Variants in UQCRC2 observed in about 807,000 individuals in gnomAD.
UQCRC2 encodes cytochrome b-c1 complex subunit 2, mitochondrial.
UQCRC2 carries 49 observed loss-of-function variants against 55.6 expected under a neutral mutation model. The observed-to-expected ratio is 0.88, with a 90% CI of 0.70 to 1.12. UQCRC2 has a LOEUF of 1.12. Among genes scored for constraint, UQCRC2 ranks in the 50% most tolerant of loss-of-function variants. The pLI is 0.00. For synonymous variants in UQCRC2, 193 were observed against 192.0 expected, an observed-to-expected ratio of 1.01 and a Z score of -0.04; for missense variants, 506 against 547.8, an observed-to-expected ratio of 0.92 and a Z score of 0.76.
intron 4 of UQCRC2, among the ~76,000 whole-genome samples, chr16:21,960,471 CTG>C (rs1359504093): frequency 1.3e-5 from 2 of 152,154 alleles, no homozygotes; most frequent in African/African-American, 2.4e-5. Flanking sequence ...CAGTAAAACT[CTG>C]TATTATCAGC....
At chr16:21,976,365 G>T in intron 12 of UQCRC2, 122 bp downstream of exon 12, 1 of 834,708 alleles carries the variant, frequency 1.2e-6, no homozygotes, top group Non-Finnish European at 1.9e-6. Flanking sequence ...AGCGTAAAAA[G>T]GGAAACATAC....
rs762357339 is a variant in UQCRC2, at chr16:21,962,886, G to C, written c.514+1G>C. 1.2e-6 allele frequency: 2 copies of C among 1,613,646 alleles called. No homozygotes were observed. Among genetic ancestry groups the C allele is most frequent in the East Asian group, 4.5e-5 (2 of 44,858 alleles). ...GTGGCCTTTCAGAATCCGCAGACTC[G>C]TAAGTACATTTCCAGATCACATTTG... is the stretch of plus-strand genomic sequence containing the variant. On this transcript the variant is annotated splice_donor_variant, in intron 6 of 13. Transcript: ENST00000268379. LOFTEE classifies it high-confidence loss of function.
At chr16:21,979,316 A>G (rs1315212825) in intron 12 of UQCRC2, among the ~76,000 whole-genome samples, 7 of 152,194 alleles carry the variant, frequency 4.6e-5, no homozygotes, top group Admixed American at 2.6e-4. Flanking sequence ...CAACTTGACT[A>G]TGGAGGAAAA....
At chr16:21,962,607 G>A (rs1389488339) in intron 5 of UQCRC2, 91 bp downstream of exon 5, 1 of 1,595,852 alleles carries the variant, frequency 6.3e-7, no homozygotes, top group Non-Finnish European at 8.6e-7. Flanking sequence ...TATGACCTCT[G>A]ACTTCCATTT....
intron 1 of UQCRC2, among the ~76,000 whole-genome samples, chr16:21,954,537 C>T (rs1176631915): frequency 1.3e-5 from 2 of 152,176 alleles, no homozygotes; most frequent in African/African-American, 2.4e-5. Flanking sequence ...CTTCTCCATT[C>T]TATTTTGCAA....
chr16:21,975,829 A>G (rs1898570059), intron 11 of UQCRC2, among the ~76,000 whole-genome samples: 1 of 152,136 alleles, frequency 6.6e-6, no homozygotes, highest in Non-Finnish European at 1.5e-5. Context: ...GGTGGCTCAC[A>G]CCTATAATCC....
rs562649642 is a variant in UQCRC2 at position 21,971,841 on chromosome 16, T to C, written c.767-82T>C. ...GCAGAAAAGACTCGTGGGTTAATACTGTGTTGTAGGAAATACTGGAGAATG... is the reference window on the plus strand; with the variant it reads ...GCAGAAAAGACTCGTGGGTTAATACCGTGTTGTAGGAAATACTGGAGAATG... On this transcript the variant is annotated intron_variant, in intron 9 of 13. Transcript: ENST00000268379. The C allele has an allele frequency of 3.8e-6, 6 of 1,584,926 alleles. No homozygotes were observed. The African/African-American group carries it at 8.0e-5, about 21-fold the overall frequency.
chr16:21,953,536 T>TG, intron 1 of UQCRC2, 80 bp downstream of exon 1: 1 of 1,545,458 alleles, frequency 6.5e-7, no homozygotes, highest in Non-Finnish European at 8.8e-7. Context: ...GTGTCTGGTC[T>TG]GGGGTCTGGG....
chr16:21,975,562 C>G (rs1233629776), intron 11 of UQCRC2, among the ~76,000 whole-genome samples: 1 of 152,138 alleles, frequency 6.6e-6, no homozygotes, highest in Non-Finnish European at 1.5e-5. Context: ...CAAATATTTA[C>G]CAAGTACCCA....
intron 11 of UQCRC2, among the ~76,000 whole-genome samples, chr16:21,974,517 A>G (rs1173947480): frequency 6.6e-6 from 1 of 152,248 alleles, no homozygotes; most frequent in Non-Finnish European, 1.5e-5. Context: ...ATTACCACTG[A>G]GAAGTCTGGT....
Position 21,973,940 on chromosome 16 carries a change from G to A in UQCRC2, c.1011G>A (p.Gly337=), listed in dbSNP as rs1224445570. The A allele has an allele frequency of 6.8e-6, 11 of 1,611,512 alleles. No homozygotes were observed. The highest frequency in any genetic ancestry group is 6.6e-5 in the South Asian group (6 of 90,548). The change falls in exon 11 of 14, where the codon GGG becomes GGA. Residue 337 remains glycine, a synonymous_variant. Transcript: ENST00000268379. ...GTTACTCAGATTCTGGACTCTTTGGGATTTATACTATCTCCCAGGCCACAG... is the reference window on the plus strand; with the variant it reads ...GTTACTCAGATTCTGGACTCTTTGGAATTTATACTATCTCCCAGGCCACAG... ...NASYSDSGLF[G]IYTISQATAA...
intron 12 of UQCRC2, among the ~76,000 whole-genome samples, chr16:21,978,094 C>T (rs962518033): frequency 6.6e-6 from 1 of 152,068 alleles, no homozygotes; most frequent in Non-Finnish European, 1.5e-5. Flanking sequence ...TGGTAATAAG[C>T]AGAAAGTAGA....
rs570971382 is a variant in UQCRC2 at position 21,959,237 on chromosome 16, G to A, written c.332+638G>A. On this transcript the variant is annotated intron_variant, in intron 4 of 13. Transcript: ENST00000268379. ...GTAGCATGAGATGTTGTTTTTAGCC[G>A]TTTACCCACAGAACTTCTTTCAAAA... is the stretch of plus-strand genomic sequence containing the variant. 6.6e-4 allele frequency: 105 copies of A among 159,478 alleles called. 1 individual carries two copies. The highest frequency in any genetic ancestry group is 9.8e-4 in the Non-Finnish European group (70 of 71,080). 9.9% of individuals were successfully genotyped at this position (159,478 alleles called of 1,614,324 possible).
chr16:21,982,963 CA>C (rs1036084484), intron 13 of UQCRC2, 124 bp from the exon 14 acceptor site: 109,990 of 529,076 alleles, frequency 0.21, 1 homozygote, highest in East Asian at 0.24. Context: ...GACTCCACCT[CA>C]AAAAAAAAAA....
At chr16:21,973,314 T>G (rs1447736727) in intron 10 of UQCRC2, among the ~76,000 whole-genome samples, 2 of 152,206 alleles carry the variant, frequency 1.3e-5, no homozygotes, top group Admixed American at 1.3e-4. Flanking sequence ...ACTTAGATAA[T>G]TTTTATGTAA....
At chr16:21,973,032 G>A (rs904851271) in intron 10 of UQCRC2, among the ~76,000 whole-genome samples, 2 of 152,212 alleles carry the variant, frequency 1.3e-5, no homozygotes, top group East Asian at 1.9e-4. Flanking sequence ...CCCAGGAGGC[G>A]GAGGATTCAG....
At chr16:21,955,233 G>T (rs372751130) in intron 1 of UQCRC2, among the ~76,000 whole-genome samples, 1 of 152,106 alleles carries the variant, frequency 6.6e-6, no homozygotes, top group Non-Finnish European at 1.5e-5. Flanking sequence ...TACAAAGAAG[G>T]TTAACTATAC....
intron 1 of UQCRC2, among the ~76,000 whole-genome samples, chr16:21,954,990 G>A (rs1268160137): frequency 6.7e-6 from 1 of 149,304 alleles, no homozygotes; most frequent in Non-Finnish European, 1.5e-5. Context: ...AGGAGGCGGA[G>A]GTTGCAGTGA....
chr16:21,970,002 A>G (rs1898420655), intron 8 of UQCRC2, among the ~76,000 whole-genome samples: 2 of 152,010 alleles, frequency 1.3e-5, no homozygotes, highest in South Asian at 2.1e-4. Context: ...CTAAGTAGCA[A>G]TAATCTACTT....
Sources: gnomAD v4.1 joint callset for allele counts (sites outside exome capture counted in the v4.1 genomes callset) on GRCh38, gnomAD v4.1.1 for gene constraint, MANE v1.5 for transcripts, NCBI Gene and HGNC (gene_info 2026-07-23, HGNC 2026-07-21) for gene names.